AGBL1: variants seen among roughly 807,000 people sequenced by gnomAD.
The protein encoded by AGBL1 is AGBL carboxypeptidase 1.
A neutral mutation model predicts 118.9 loss-of-function variants in AGBL1; 130 were observed. The ratio of observed to expected loss-of-function variants is 1.09; its 90% CI spans 0.95 to 1.26. The LOEUF is 1.26. Ranked by LOEUF, AGBL1 falls within the 50% of genes most tolerant of loss-of-function variation. The pLI is 0.00. For synonymous variants in AGBL1, 555 were observed against 478.9 expected, an observed-to-expected ratio of 1.16 and a Z score of -2.08; for missense variants, 1,584 against 1,298.1, an observed-to-expected ratio of 1.22 and a Z score of -3.38.
In AGBL1 at chr15:86,916,039, C is replaced by A. The variant is rs779765127; in HGVS notation, c.*8745C>A. ...GAAAAGGGCCTTGTTTTCCAATCACCGACTGTCCTGTCTACATTAGCATTC... is the reference window on the plus strand; with the variant it reads ...GAAAAGGGCCTTGTTTTCCAATCACAGACTGTCCTGTCTACATTAGCATTC... On this transcript the variant is annotated 3_prime_UTR_variant, in exon 23 of 23. Transcript: ENST00000614907. 1.3e-5 allele frequency: 2 copies of A among 152,178 alleles called. No individual in the cohort carries two copies. 9.4% of individuals were successfully genotyped at this position (152,178 alleles called of 1,614,324 possible).
Position 87,003,471 on chromosome 15 carries a change from T to G in AGBL1, c.3323+15383T>G, listed in dbSNP as rs1010785768. On this transcript the variant is annotated intron_variant, in intron 24 of 24. Coordinates refer to the AGBL1 transcript ENST00000441037. ...GTTGTGTCTCTGCCAGGCTTTGGTATCGTGATGATGCTGTCCTCACAAAAT... is the reference window on the plus strand; with the variant it reads ...GTTGTGTCTCTGCCAGGCTTTGGTAGCGTGATGATGCTGTCCTCACAAAAT... Among the ~76,000 whole-genome samples the G allele has an allele frequency of 4.6e-5, 7 of 152,166 alleles. 1 individual carries two copies. Among genetic ancestry groups the G allele is most frequent in the African/African-American group, 1.7e-4 (7 of 41,440 alleles).
chr15:86,366,600 C>G (rs1041264281), intron 17 of AGBL1, among the ~76,000 whole-genome samples: 1 of 152,162 alleles, frequency 6.6e-6, no homozygotes, highest in Admixed American at 6.5e-5. Flanking sequence ...CCTGGCATCA[C>G]CCGTCTCTCC....
At chr15:86,120,205 G>T (rs1898012049) in intron 1 of AGBL1, among the ~76,000 whole-genome samples, 1 of 152,144 alleles carries the variant, frequency 6.6e-6, no homozygotes, top group African/African-American at 2.4e-5. Flanking sequence ...TGTAAGATAT[G>T]TTGCAATGTT....
In AGBL1 at chr15:86,223,251, A is replaced by G. The variant is rs141162281; in HGVS notation, c.489-1663A>G. On this transcript the variant is annotated intron_variant, in intron 5 of 22. Transcript: ENST00000614907. ...TTCCTAAAACAAAAGTGCAATGGAA[A>G]TTAGAAATGCGATCCTTAGAGACCT... 7.2e-5 allele frequency among the ~76,000 whole-genome samples: 11 copies of G among 152,300 alleles called. No individual in the cohort carries two copies. The South Asian group carries it at 1.5e-3, about 20-fold the overall frequency.
intron 22 of AGBL1, among the ~76,000 whole-genome samples, chr15:86,850,904 C>T (rs1208271556): frequency 1.3e-5 from 2 of 152,118 alleles, no homozygotes; most frequent in African/African-American, 4.8e-5. Flanking sequence ...TACTTAGATA[C>T]TGTGTGAAGC....
At chr15:86,957,316 C>G (rs1387491551) in intron 23 of AGBL1, among the ~76,000 whole-genome samples, 3 of 152,028 alleles carry the variant, frequency 2.0e-5, no homozygotes, top group African/African-American at 7.2e-5. Flanking sequence ...CCTCTATCAT[C>G]ACATTGTAGT....
intron 18 of AGBL1, among the ~76,000 whole-genome samples, chr15:86,465,406 C>T (rs997735972): frequency 6.6e-6 from 1 of 152,148 alleles, no homozygotes; most frequent in Admixed American, 6.6e-5. Flanking sequence ...AATATGAAAT[C>T]TGGCACCTTG....
chr15:86,163,237 G>A (rs773818135), intron 5 of AGBL1, among the ~76,000 whole-genome samples: 1 of 152,182 alleles, frequency 6.6e-6, no homozygotes, highest in Non-Finnish European at 1.5e-5. Flanking sequence ...AGGAGTTTGC[G>A]ACCAGCTTGG....
chr15:86,268,311 A>G (rs2079104998), intron 13 of AGBL1, among the ~76,000 whole-genome samples: 1 of 152,124 alleles, frequency 6.6e-6, no homozygotes, highest in Non-Finnish European at 1.5e-5. Context: ...CAGTCATGTC[A>G]AGACTCTTTC....
intron 17 of AGBL1, among the ~76,000 whole-genome samples, chr15:86,301,641 GGTGTGTGTGTGTGTGTGT>G (rs60282415): frequency 8.9e-4 from 122 of 137,326 alleles, no homozygotes; most frequent in East Asian, 2.7e-3. Flanking sequence ...TAATCTACAG[GGTGTGTGTGTGTGTGTGT>G]GTGTGTGTGT....
chr15:86,514,302 T>C (rs59281780), intron 18 of AGBL1, among the ~76,000 whole-genome samples: 1 of 152,268 alleles, frequency 6.6e-6, no homozygotes, highest in East Asian at 1.9e-4. Flanking sequence ...GTTGTTGTTA[T>C]TCATAATTGA....
At chr15:86,530,132 C>T (rs12900460) in intron 19 of AGBL1, among the ~76,000 whole-genome samples, 65,930 of 136,846 alleles carry the variant, frequency 0.48, 16,658 homozygotes, top group East Asian at 0.69. Context: ...TGTAAATGGA[C>T]TAAATTCTCC....
chr15:86,852,960 C>G (rs1404274814), intron 22 of AGBL1, among the ~76,000 whole-genome samples: 1 of 152,092 alleles, frequency 6.6e-6, no homozygotes, highest in African/African-American at 2.4e-5. Flanking sequence ...TTAAAGCTTC[C>G]CAGGTGAATC....
intron 1 of AGBL1, among the ~76,000 whole-genome samples, chr15:86,127,255 C>G (rs952786903): frequency 6.6e-6 from 1 of 152,172 alleles, no homozygotes; most frequent in African/African-American, 2.4e-5. Context: ...GATTTACTGA[C>G]TCTTCTTGTT....
chr15:86,989,192 G>C (rs1354505957), intron 24 of AGBL1, among the ~76,000 whole-genome samples: 1 of 151,564 alleles, frequency 6.6e-6, no homozygotes, highest in East Asian at 1.9e-4. Flanking sequence ...GTAGAGATAG[G>C]GTCTCACTAT....
intron 18 of AGBL1, among the ~76,000 whole-genome samples, chr15:86,466,326 T>A (rs1351099033): frequency 6.6e-6 from 1 of 152,006 alleles, no homozygotes; most frequent in East Asian, 1.9e-4. Context: ...TCTCTTGCTG[T>A]GTTTTTCAGC....
intron 2 of AGBL1, among the ~76,000 whole-genome samples, chr15:86,142,516 G>A (rs149981241): frequency 6.6e-6 from 1 of 152,334 alleles, no homozygotes; most frequent in East Asian, 1.9e-4. Flanking sequence ...ACTGGAGCAT[G>A]CTTCTATTCG....
intron 20 of AGBL1, among the ~76,000 whole-genome samples, chr15:86,554,057 A>C (rs549439456): frequency 6.6e-6 from 1 of 152,000 alleles, no homozygotes; most frequent in South Asian, 2.1e-4. Context: ...ACGGGGTTTC[A>C]CCATGACGGC....
At chr15:86,793,669 G>A (rs796708537) in intron 22 of AGBL1, among the ~76,000 whole-genome samples, 15 of 152,206 alleles carry the variant, frequency 9.9e-5, no homozygotes, top group African/African-American at 3.6e-4. Flanking sequence ...TATCAAGAAA[G>A]TAAAAAGACA....
Sources: allele counts gnomAD v4.1 joint callset (sites outside exome capture counted in the v4.1 genomes callset), GRCh38; gene constraint gnomAD v4.1.1; transcripts MANE v1.5; gene names NCBI Gene and HGNC (gene_info 2026-07-23, HGNC 2026-07-21).